CANX: variants seen among roughly 807,000 people sequenced by gnomAD.
The protein encoded by CANX is calnexin.
Under a neutral mutation model 75.7 loss-of-function variants are expected in CANX, and 14 were observed. That is an observed-to-expected ratio of 0.19 (90% CI 0.12 to 0.29). The LOEUF (loss-of-function observed/expected upper bound fraction) is 0.29. CANX is among the 10% of genes least tolerant of loss of function. The pLI is 1.00. For synonymous variants in CANX, 227 were observed against 236.9 expected (o/e 0.96, Z 0.38); for missense variants, 567 against 713.2 (o/e 0.79, Z 2.34).
rs149207699 is a variant in CANX at position 179,682,238 on chromosome 5, G to A, written c.-4+3461G>A. Among the ~76,000 whole-genome samples, 1,355 of 143,956 alleles carry A rather than the reference G, an allele frequency of 9.4e-3. 30 individuals are homozygous for A. The highest frequency in any genetic ancestry group is 0.033 in the African/African-American group (1,293 of 38,770). 94.4% of individuals were successfully genotyped at this position (143,956 alleles called of 152,430 possible). ...CTGCACTCCAACCTGGGCAACAAGA[G>A]CGAAACTCCATCTCAAAAAAAAAAA... On this transcript the variant is annotated intron_variant, in intron 1 of 14. Coordinates refer to the CANX transcript ENST00000681674.
upstream of CANX, among the ~76,000 whole-genome samples, chr5:179,697,677 C>T (rs1358900503): frequency 6.6e-6 from 1 of 152,090 alleles, no homozygotes; most frequent in Non-Finnish European, 1.5e-5. Context: ...GAGGCAGAGG[C>T]AGGTCGATCA....
chr5:179,700,196 C>G (rs980246174), intron 1 of CANX: 14 of 152,128 alleles, frequency 9.2e-5, no homozygotes, highest in African/African-American at 3.4e-4. Flanking sequence ...GGGCATGACA[C>G]AAGTGATTGC....
intron 1 of CANX, among the ~76,000 whole-genome samples, chr5:179,702,797 C>T (rs2113111357): frequency 6.6e-6 from 1 of 152,182 alleles, no homozygotes; most frequent in African/African-American, 2.4e-5. Flanking sequence ...GAGACAGTCT[C>T]ACTCTTGTTG....
chr5:179,710,004 G>A lies in CANX; in HGVS notation c.660G>A (p.Lys220=). The change falls in exon 7 of 15, where the codon AAG becomes AAA. Residue 220 remains lysine, a synonymous_variant. Coordinates refer to ENST00000247461, the MANE Select transcript of CANX (RefSeq NM_001746.4). The part of the protein sequence containing the change: ...KTGIYEEKHA[K]RPDADLKTYF... ...GTATCTATGAAGAAAAACATGCTAA[G>A]AGGCCAGATGCAGATCTGAAGACCT... 6.2e-7 allele frequency: 1 copy of A among 1,613,032 alleles called. No individual in the cohort carries two copies. The highest frequency in any genetic ancestry group is 8.5e-7 in the Non-Finnish European group (1 of 1,179,280).
At chr5:179,680,294 G>C (rs1776029572) in intron 1 of CANX, among the ~76,000 whole-genome samples, 1 of 152,126 alleles carries the variant, frequency 6.6e-6, no homozygotes, top group Non-Finnish European at 1.5e-5. Context: ...GAAAGCCGGG[G>C]TTAGATCTGG....
rs1371773957 is a variant in CANX at position 179,719,399 on chromosome 5, A to G, written c.912-269A>G. 3.3e-5 allele frequency among the ~76,000 whole-genome samples: 5 copies of G among 152,134 alleles called. No homozygotes were observed. In the East Asian group the frequency reaches 9.6e-4, roughly 29 times the overall value. ...TGCTTATTGTATGTTCATATTGTATATTTTTACATTCGTATGTCTTCTTTG... is the reference window on the plus strand; with the variant it reads ...TGCTTATTGTATGTTCATATTGTATGTTTTTACATTCGTATGTCTTCTTTG... On this transcript the variant is annotated intron_variant, in intron 8 of 14. Coordinates refer to ENST00000247461, the MANE Select transcript of CANX (RefSeq NM_001746.4).
At position 179,709,038 on chromosome 5, in the gene CANX, T is replaced by C; in HGVS notation, c.507T>C (p.Ser169=). Residue 169 remains serine (S), a synonymous_variant, in exon 6 of 15, where the codon TCT becomes TCC. Transcript: ENST00000247461. ...GTGGTGCCTATGTGAAACTGCTTTCTAAAACACCAGAACTCAACCTGGTAT... is the reference window on the plus strand; with the variant it reads ...GTGGTGCCTATGTGAAACTGCTTTCCAAAACACCAGAACTCAACCTGGTAT... ...ECGGAYVKLL[S]KTPELNLDQF... is the part of the protein sequence containing the mutation. 1 of 1,597,434 alleles carries C rather than the reference T, an allele frequency of 6.3e-7. No homozygotes were observed. Among genetic ancestry groups the C allele is most frequent in the Non-Finnish European group, 8.6e-7 (1 of 1,164,702 alleles).
chr5:179,686,548 C>T (rs1776193978), intron 1 of CANX, among the ~76,000 whole-genome samples: 2 of 152,082 alleles, frequency 1.3e-5, no homozygotes, highest in South Asian at 4.2e-4. Context: ...GATCATGGCT[C>T]ACCACAGCCT....
At position 179,699,064 on chromosome 5, in the gene CANX, A is replaced by T; in HGVS notation, c.-42A>T. 1 of 1,099,536 alleles carries T rather than the reference A, an allele frequency of 9.1e-7. No individual in the cohort carries two copies. The highest frequency in any genetic ancestry group is 1.1e-6 in the Non-Finnish European group (1 of 895,938). The allele number at this position is 1,099,536 out of a possible 1,614,324, so 68.1% of individuals were successfully genotyped here. On this transcript the variant is annotated 5_prime_UTR_variant, in exon 1 of 15. It adds an upstream start codon to the 5' untranslated region. Coordinates refer to ENST00000247461, the MANE Select transcript of CANX (RefSeq NM_001746.4). Reference sequence around the variant, plus strand: ...CGCGGGGCAAGGTGTGCGGGCGGGAAGGGGCACGGGCACCCCCGCGGTCCC... The same window carrying T: ...CGCGGGGCAAGGTGTGCGGGCGGGATGGGGCACGGGCACCCCCGCGGTCCC...
intron 2 of CANX, 79 bp downstream of exon 2, chr5:179,705,931 G>A (rs1777105764): frequency 8.0e-7 from 1 of 1,252,142 alleles, no homozygotes; most frequent in African/African-American, 1.5e-5. Flanking sequence ...GCAGGGAAAT[G>A]TAGTCTCAAC....
At chr5:179,694,559 G>A (rs1581824978), upstream of CANX, 1 of 862,822 alleles carries the variant, frequency 1.2e-6, no homozygotes, top group Middle Eastern at 2.7e-4. Context: ...TGGCAAAAAA[G>A]CTGGGTGAGA....
chr5:179,711,551 G>A (rs984465240), intron 7 of CANX, among the ~76,000 whole-genome samples: 1 of 152,166 alleles, frequency 6.6e-6, no homozygotes, highest in Non-Finnish European at 1.5e-5. Context: ...CACTTTGGGT[G>A]GCCGAGGTGG....
upstream of CANX, chr5:179,698,549 C>T (rs1292655214): frequency 3.9e-6 from 5 of 1,289,318 alleles, no homozygotes; most frequent in Non-Finnish European, 5.1e-6. Context: ...GCCGTTTGCC[C>T]CGTCAGCGAA....
intron 11 of CANX, 77 bp downstream of exon 11, chr5:179,723,096 T>A: frequency 7.7e-7 from 1 of 1,291,236 alleles, no homozygotes; most frequent in South Asian, 1.3e-5. Flanking sequence ...TGTTAAGGTT[T>A]TTTTTCTTCA....
upstream of CANX, among the ~76,000 whole-genome samples, chr5:179,698,091 C>T (rs1776466578): frequency 6.6e-6 from 1 of 152,072 alleles, no homozygotes; most frequent in African/African-American, 2.4e-5. Context: ...ATCAGGATCT[C>T]TAAAGGTCTA....
intron 1 of CANX, among the ~76,000 whole-genome samples, chr5:179,701,862 C>T (rs1272197641): frequency 2.0e-5 from 3 of 147,750 alleles, no homozygotes; most frequent in African/African-American, 4.9e-5. Context: ...GCCTCAGCCT[C>T]CCAAGTAGCT....
intron 7 of CANX, among the ~76,000 whole-genome samples, chr5:179,713,201 C>A (rs1487488795): frequency 6.6e-6 from 1 of 151,990 alleles, no homozygotes; most frequent in Non-Finnish European, 1.5e-5. Context: ...CCCGTCTCAG[C>A]CTCCCCAGTA....
At chr5:179,688,622 C>T (rs1443570350) in intron 1 of CANX, among the ~76,000 whole-genome samples, 1 of 151,452 alleles carries the variant, frequency 6.6e-6, no homozygotes, top group African/African-American at 2.4e-5. Flanking sequence ...CTCAGCCTCC[C>T]AAAGTGCTGG....
At chr5:179,728,191 A>G (rs1428061135) in intron 14 of CANX, among the ~76,000 whole-genome samples, 1 of 152,230 alleles carries the variant, frequency 6.6e-6, no homozygotes, top group Non-Finnish European at 1.5e-5. Flanking sequence ...AGTACAGAGC[A>G]GCAGCCTTGG....
Sources: allele counts gnomAD v4.1 joint callset (sites outside exome capture counted in the v4.1 genomes callset), GRCh38; gene constraint gnomAD v4.1.1; transcripts MANE v1.5; gene names NCBI Gene and HGNC (gene_info 2026-07-23, HGNC 2026-07-21).